Variants in LENG8 observed in about 807,000 individuals in gnomAD.
LENG8 encodes the protein leukocyte receptor cluster member 8, also known as leukocyte receptor cluster (LRC) member 8.
LENG8 carries 28 observed loss-of-function variants against 102.1 expected under a neutral mutation model. The observed-to-expected ratio is 0.27, with a 90% confidence interval of 0.20 to 0.38. LENG8 has a LOEUF of 0.38. Among genes scored for constraint, LENG8 ranks in the 10% least tolerant of loss-of-function variants. The pLI, the probability that LENG8 is intolerant of heterozygous loss-of-function variation, is 1.00. For synonymous variants in LENG8, 531 were observed against 456.7 expected, an observed-to-expected ratio of 1.16 and a Z score of -2.07; for missense variants, 1,022 against 1,113.9, an observed-to-expected ratio of 0.92 and a Z score of 1.17.
chr19:54,451,461 C>T (rs993844264), intron 2 of LENG8, 79 bp downstream of exon 2: 2 of 1,444,284 alleles, frequency 1.4e-6, no homozygotes, highest in African/African-American at 2.8e-5. Flanking sequence ...TGGGGTGGGA[C>T]CTCCCGTGGC....
In LENG8 at chr19:54,456,391, C is replaced by T. The variant is rs2084245440; in HGVS notation, c.1371C>T (p.Asn457=). ...GNECHPVGRR[N]PPPKGRGGRG... ...AGTGTCACCCTGTGGGCCGCAGGAA[C>T]CCGCCCCCTAAGGGCCGGGGCGGTC... The change falls in exon 10 of 16, where the codon AAC becomes AAT. Residue 457 remains asparagine (N), a synonymous_variant. Coordinates refer to ENST00000326764, the MANE Select transcript of LENG8 (RefSeq NM_052925.4). 1.9e-6 allele frequency: 3 copies of T among 1,612,180 alleles called. No homozygotes were observed. Among genetic ancestry groups the T allele is most frequent in the Admixed American group, 1.7e-5 (1 of 60,008 alleles).
intron 15 of LENG8, 46 bp downstream of exon 15, chr19:54,458,567 C>T (rs1289659584): frequency 6.2e-7 from 1 of 1,610,214 alleles, no homozygotes; most frequent in African/African-American, 1.3e-5. Context: ...TCCCATCCTT[C>T]CGCCTCGCAC....
Position 54,456,318 on chromosome 19 carries a change from C to G in LENG8, c.1305-7C>G, listed in dbSNP as rs765957521. 1 of 1,614,092 alleles carries G rather than the reference C, an allele frequency of 6.2e-7. No homozygotes were observed. On this transcript the variant is annotated splice_region_variant and splice_polypyrimidine_tract_variant and intron_variant, in intron 9 of 15. Coordinates refer to ENST00000326764, the MANE Select transcript of LENG8 (RefSeq NM_052925.4). ...TTCAGGCCTGACCCTCCTGCTTCTT[C>G]CTGCAGTGACTCCCACTCAGACTCC...
intron 12 of LENG8, 32 bp from the exon 13 acceptor site, chr19:54,457,902 T>C (rs1034746745): frequency 1.2e-6 from 2 of 1,614,010 alleles, no homozygotes; most frequent in Non-Finnish European, 1.7e-6. Flanking sequence ...CTCCCGCTCC[T>C]TGTGACTCTT....
chr19:54,457,247 C>T (rs1349643481), intron 11 of LENG8, among the ~76,000 whole-genome samples: 2 of 152,246 alleles, frequency 1.3e-5, no homozygotes, highest in Admixed American at 6.5e-5. Flanking sequence ...CAGTGTTTGG[C>T]GTAGTCACTG....
intron 12 of LENG8, 38 bp downstream of exon 12, chr19:54,457,886 T>C: frequency 6.2e-7 from 1 of 1,613,512 alleles, no homozygotes; most frequent in Non-Finnish European, 8.5e-7. Context: ...CCTCAGCCAG[T>C]CCTGCCTCCC....
intron 15 of LENG8, 69 bp from the exon 16 acceptor site, chr19:54,460,695 TCC>T: frequency 6.9e-7 from 1 of 1,447,130 alleles, no homozygotes; most frequent in Non-Finnish European, 9.1e-7. Flanking sequence ...TGGGGGGGCC[TCC>T]CCGCTCGTGG....
Position 54,458,245 on chromosome 19 carries a change from C to T in LENG8, c.2032+13C>T. ...AAGAACTCGGGAGGTGAGGCCCAGTCCCCAGGACAGAGGCCATGGTACCCA... is the reference window on the plus strand; with the variant it reads ...AAGAACTCGGGAGGTGAGGCCCAGTTCCCAGGACAGAGGCCATGGTACCCA... On this transcript the variant is annotated intron_variant, in intron 14 of 15. Coordinates refer to ENST00000326764, the MANE Select transcript of LENG8 (RefSeq NM_052925.4). 1.9e-6 allele frequency: 3 copies of T among 1,614,060 alleles called. No homozygotes were observed. Among genetic ancestry groups the T allele is most frequent in the Non-Finnish European group, 2.5e-6 (3 of 1,179,964 alleles).
rs1569309612 is a variant in LENG8, at chr19:54,460,628, G to A, written c.2241-138G>A. 7 of 1,433,542 alleles carry A rather than the reference G, an allele frequency of 4.9e-6. No homozygotes were observed. In the South Asian group the frequency reaches 9.0e-5, roughly 18 times the overall value. The allele number at this position is 1,433,542 out of a possible 1,614,324, so 88.8% of individuals were successfully genotyped here. A position where few individuals can be genotyped will look rare whatever the true frequency, so the allele number is the denominator to read the frequency against. On this transcript the variant is annotated intron_variant, in intron 15 of 15. Coordinates refer to ENST00000326764, the MANE Select transcript of LENG8 (RefSeq NM_052925.4). ...CCGAGCCCCTGAGGTGGGGAGGCTGGGAGGCGGGTGGGGAGCCAGCAGGCA... is the reference window on the plus strand; with the variant it reads ...CCGAGCCCCTGAGGTGGGGAGGCTGAGAGGCGGGTGGGGAGCCAGCAGGCA...
At chr19:54,457,050 G>A in intron 11 of LENG8, 129 bp downstream of exon 11, 14 of 1,084,116 alleles carry the variant, frequency 1.3e-5, no homozygotes, top group South Asian at 1.6e-5. Flanking sequence ...GGCCAGAGAC[G>A]CCTCGGCTGG....
chr19:54,453,640 A>C lies in LENG8; in HGVS notation c.410A>C (p.Gln137Pro). Residue 137 changes from glutamine to proline, a missense_variant, in exon 5 of 16, where the codon CAA becomes CCA. Physicochemically the swap from Gln to Pro is moderately conservative, Grantham distance 76. Coordinates refer to ENST00000326764, the MANE Select transcript of LENG8 (RefSeq NM_052925.4). Reference sequence around the variant, plus strand: ...CAGCAGCCATCCGCACCCCAACACCAAGGGACTCTGAACCAGGTAACATCC... The same window carrying C: ...CAGCAGCCATCCGCACCCCAACACCCAGGGACTCTGAACCAGGTAACATCC... ...TPQQPSAPQH[Q>P]GTLNQPPVPG... 1 of 1,613,280 alleles carries C rather than the reference A, an allele frequency of 6.2e-7. No homozygotes were observed. Among genetic ancestry groups the C allele is most frequent in the Non-Finnish European group, 8.5e-7 (1 of 1,179,498 alleles).
chr19:54,452,074 A>G lies in LENG8; in HGVS notation c.39-19A>G, dbSNP rs1423288622. On this transcript the variant is annotated intron_variant, in intron 2 of 15. Transcript: ENST00000326764. ...CAGTGGGGAGAACAGGTGTGACTTG[A>G]TGTCCTCTCTCTCTGCAGGTCTTCT... 6.3e-7 allele frequency: 1 copy of G among 1,598,452 alleles called. No individual in the cohort carries two copies. Among genetic ancestry groups the G allele is most frequent in the Non-Finnish European group, 8.6e-7 (1 of 1,168,544 alleles).
intron 7 of LENG8, 124 bp from the exon 8 acceptor site, chr19:54,455,240 A>C: frequency 2.7e-6 from 4 of 1,474,602 alleles, no homozygotes; most frequent in South Asian, 1.2e-5. Context: ...TGCTGTGAGC[A>C]CTGAAGGAGA....
chr19:54,461,986 A>G lies in LENG8; in HGVS notation c.*1058A>G. On this transcript the variant is annotated 3_prime_UTR_variant, in exon 16 of 16. Transcript: ENST00000326764. ...ACTGAGCACCATTTGGAAGCTTGAG[A>G]GAAACCAAAATTAAAGAGAGAAAGA... The G allele has an allele frequency of 7.3e-7, 1 of 1,361,966 alleles. No homozygotes were observed. Among genetic ancestry groups the G allele is most frequent in the East Asian group, 2.3e-5 (1 of 43,660 alleles). 84.4% of individuals were successfully genotyped at this position (1,361,966 alleles called of 1,614,324 possible). A position where few individuals can be genotyped will look rare whatever the true frequency, so the allele number is the denominator to read the frequency against.
Position 54,458,218 on chromosome 19 carries a change from C to T in LENG8, c.2018C>T (p.Thr673Ile). 6.2e-7 allele frequency: 1 copy of T among 1,614,258 alleles called. No individual in the cohort carries two copies. The highest frequency in any genetic ancestry group is 8.5e-7 in the Non-Finnish European group (1 of 1,180,050). ...TAYRILYYIF[T>I]KNSGDITTEL... ...TACCGAATCCTCTACTACATCTTCA[C>T]CAAGAACTCGGGAGGTGAGGCCCAG... Residue 673 changes from threonine to isoleucine, a missense_variant, in exon 14 of 16, where the codon ACC becomes ATC. By Grantham distance (89) the Thr-to-Ile change is moderately conservative. This residue lies in a region of LENG8 where 158 missense variants were observed against 229.0 expected (regional missense o/e 0.69). Coordinates refer to ENST00000326764, the MANE Select transcript of LENG8 (RefSeq NM_052925.4).
intron 3 of LENG8, 139 bp downstream of exon 3, chr19:54,452,406 C>A: frequency 1.2e-6 from 1 of 859,508 alleles, no homozygotes. Context: ...TAAATCTGAA[C>A]GGGAAAAAGT....
Position 54,460,937 on chromosome 19 carries a change from C to A in LENG8, c.*9C>A, listed in dbSNP as rs1555991635. Reference sequence around the variant, plus strand: ...AGCTGTCAGCCTTCTGAGCACCCAGCGAGGAGGGGCGGGGGCAGGGGCTGC... The same window carrying A: ...AGCTGTCAGCCTTCTGAGCACCCAGAGAGGAGGGGCGGGGGCAGGGGCTGC... On this transcript the variant is annotated 3_prime_UTR_variant, in exon 16 of 16. Transcript: ENST00000326764. 9.1e-6 allele frequency: 14 copies of A among 1,542,934 alleles called. No individual in the cohort carries two copies. Among genetic ancestry groups the A allele is most frequent in the Non-Finnish European group, 1.0e-5 (12 of 1,147,532 alleles).
In LENG8 at chr19:54,458,306, G is replaced by T. The variant is rs1302882342; in HGVS notation, c.2033-8G>T. ...CTGCTGACTTCACCCTCTTTGTCTT[G>T]GTGCTAGACATCACCACGGAGCTGG... is the stretch of plus-strand genomic sequence containing the variant. On this transcript the variant is annotated splice_region_variant and splice_polypyrimidine_tract_variant and intron_variant, in intron 14 of 15. Coordinates refer to ENST00000326764, the MANE Select transcript of LENG8 (RefSeq NM_052925.4). 1 of 1,613,178 alleles carries T rather than the reference G, an allele frequency of 6.2e-7. No homozygotes were observed. The highest frequency in any genetic ancestry group is 1.7e-5 in the Admixed American group (1 of 60,020).
At chr19:54,454,851 A>C in intron 6 of LENG8, 100 bp from the exon 7 acceptor site, 3 of 1,516,330 alleles carry the variant, frequency 2.0e-6, no homozygotes, top group Non-Finnish European at 2.7e-6. Flanking sequence ...CTCCTCTAGA[A>C]CCTGAGCGCT....
Sources: allele counts gnomAD v4.1 joint callset (sites outside exome capture counted in the v4.1 genomes callset), GRCh38; gene constraint gnomAD v4.1.1; regional missense constraint gnomAD v4.1.1; transcripts MANE v1.5; gene names NCBI Gene and HGNC (gene_info 2026-07-23, HGNC 2026-07-21).